Variants in SEMA3A observed in about 807,000 individuals in gnomAD.
SEMA3A encodes the protein semaphorin 3A, also known as semaphorin-3A.
A neutral mutation model predicts 97.9 loss-of-function variants in SEMA3A; 29 were observed. The observed-to-expected ratio is 0.30, with a 90% confidence interval of 0.22 to 0.40. The LOEUF (loss-of-function observed/expected upper bound fraction) is 0.40. Ranked by LOEUF, SEMA3A falls within the 10% of genes least tolerant of loss-of-function variation. The pLI is 1.00. For synonymous variants in SEMA3A, 321 were observed against 323.7 expected, an observed-to-expected ratio of 0.99 and a Z score of 0.09; for missense variants, 763 against 951.3, an observed-to-expected ratio of 0.80 and a Z score of 2.60.
chr7:84,416,078 T>C (rs1804425043), intron 1 of SEMA3A, among the ~76,000 whole-genome samples: 1 of 152,102 alleles, frequency 6.6e-6, no homozygotes, highest in African/African-American at 2.4e-5. Context: ...GTGGGACTAA[T>C]TTTAAAAGCC....
chr7:84,242,587 C>T (rs553083841), intron 3 of SEMA3A, among the ~76,000 whole-genome samples: 3 of 152,074 alleles, frequency 2.0e-5, no homozygotes, highest in Admixed American at 6.6e-5. Context: ...AATTTGACTT[C>T]CTCTCTTCCT....
At chr7:83,963,562 T>C (rs542624076) in intron 15 of SEMA3A, among the ~76,000 whole-genome samples, 1 of 152,178 alleles carries the variant, frequency 6.6e-6, no homozygotes, top group East Asian at 1.9e-4. Flanking sequence ...ATATAAAACA[T>C]AGACGGAGAT....
intron 1 of SEMA3A, among the ~76,000 whole-genome samples, chr7:84,419,773 CT>C (rs1466497026): frequency 6.6e-6 from 1 of 152,070 alleles, no homozygotes; most frequent in Non-Finnish European, 1.5e-5. Context: ...GAAAATTTCG[CT>C]AGGGTATTCA....
At chr7:84,485,116 G>A (rs1806542899) in intron 1 of SEMA3A, among the ~76,000 whole-genome samples, 1 of 152,076 alleles carries the variant, frequency 6.6e-6, no homozygotes, top group South Asian at 2.1e-4. Context: ...TAAGCCACAT[G>A]ACCATAGTAG....
At chr7:84,172,875 T>A (rs1224758307) in intron 1 of SEMA3A, among the ~76,000 whole-genome samples, 1 of 152,204 alleles carries the variant, frequency 6.6e-6, no homozygotes, top group African/African-American at 2.4e-5. Context: ...ATATTGAAGT[T>A]CTAGAAAAAA....
intron 12 of SEMA3A, among the ~76,000 whole-genome samples, chr7:83,997,113 G>A (rs571734558): frequency 6.6e-6 from 1 of 152,208 alleles, no homozygotes; most frequent in South Asian, 2.1e-4. Flanking sequence ...TATTCATTCT[G>A]TCAAGGACAC....
chr7:84,391,188 A>G (rs1803564006), intron 1 of SEMA3A, among the ~76,000 whole-genome samples: 2 of 152,220 alleles, frequency 1.3e-5, no homozygotes, highest in Admixed American at 1.3e-4. Context: ...ACCTTCTAGC[A>G]AAGACTCAAT....
chr7:84,190,962 T>TACACACACACACACACAC (rs3077844), intron 1 of SEMA3A, among the ~76,000 whole-genome samples: 1 of 147,162 alleles, frequency 6.8e-6, no homozygotes, highest in Non-Finnish European at 1.5e-5. Flanking sequence ...TATTGGTATA[T>TACACACACACACACACAC]ACACACACAC....
chr7:84,404,159 G>A (rs1278044799), intron 1 of SEMA3A, among the ~76,000 whole-genome samples: 5 of 152,086 alleles, frequency 3.3e-5, no homozygotes, highest in Admixed American at 6.5e-5. Flanking sequence ...AAAATTAGAC[G>A]AATGGATAAC....
intron 3 of SEMA3A, among the ~76,000 whole-genome samples, chr7:84,253,246 T>G (rs1428757717): frequency 1.3e-5 from 2 of 152,094 alleles, no homozygotes; most frequent in African/African-American, 4.8e-5. Context: ...TTTATAACAT[T>G]AATTAAATCA....
intron 1 of SEMA3A, among the ~76,000 whole-genome samples, chr7:84,455,597 A>G (rs2116375609): frequency 6.6e-6 from 1 of 152,054 alleles, no homozygotes; most frequent in African/African-American, 2.4e-5. Flanking sequence ...CTTCATTTGA[A>G]GACTTTTTTT....
At chr7:84,297,582 T>A (rs567234207) in intron 3 of SEMA3A, among the ~76,000 whole-genome samples, 2 of 152,140 alleles carry the variant, frequency 1.3e-5, no homozygotes, top group African/African-American at 2.4e-5. Context: ...CTAATCTACA[T>A]AGGTCTTTGT....
At chr7:84,415,436 C>A (rs889663876) in intron 1 of SEMA3A, among the ~76,000 whole-genome samples, 1 of 152,044 alleles carries the variant, frequency 6.6e-6, no homozygotes, top group African/African-American at 2.4e-5. Context: ...AGTAACAGAA[C>A]TTCCACTTTT....
At position 84,176,148 on chromosome 7, in the gene SEMA3A, T is replaced by C. The variant is rs78758415; in HGVS notation, c.112+18327A>G. On this transcript the variant is annotated intron_variant, in intron 1 of 16. Transcript: ENST00000265362. ...ATCTTGTTTCCTGGGGTTTATAAAT[T>C]GTTTAGGATGCAGTTCTCCCATTTC... Among the ~76,000 whole-genome samples the C allele has an allele frequency of 1.7e-4, 26 of 152,274 alleles. No individual in the cohort carries two copies. The East Asian group carries it at 5.0e-3, about 29-fold the overall frequency.
intron 13 of SEMA3A, among the ~76,000 whole-genome samples, chr7:83,982,804 T>C (rs988189676): frequency 2.0e-5 from 3 of 152,088 alleles, no homozygotes; most frequent in Admixed American, 6.6e-5. Context: ...AATAACCAGA[T>C]AAATTGAATG....
intron 4 of SEMA3A, among the ~76,000 whole-genome samples, chr7:84,095,880 T>A (rs1794758039): frequency 6.8e-6 from 1 of 147,110 alleles, no homozygotes; most frequent in Admixed American, 7.1e-5. Flanking sequence ...AATATTCAAA[T>A]TTTGTCTACT....
intron 6 of SEMA3A, among the ~76,000 whole-genome samples, chr7:84,039,259 G>A (rs186098630): frequency 1.3e-5 from 2 of 152,092 alleles, no homozygotes; most frequent in African/African-American, 4.8e-5. Context: ...AACCATAAAT[G>A]TGTGGCAAAT....
intron 3 of SEMA3A, among the ~76,000 whole-genome samples, chr7:84,303,595 A>G (rs1248336105): frequency 1.3e-5 from 2 of 152,040 alleles, no homozygotes; most frequent in Non-Finnish European, 2.9e-5. Flanking sequence ...ATAGTCCCCG[A>G]CCTGGCACTG....
intron 1 of SEMA3A, among the ~76,000 whole-genome samples, chr7:84,403,855 A>C (rs1480163884): frequency 6.6e-6 from 1 of 152,204 alleles, no homozygotes; most frequent in Non-Finnish European, 1.5e-5. Flanking sequence ...AAGGAAAACT[A>C]ACAAACAGAA....
Sources: gnomAD v4.1 joint callset for allele counts (sites outside exome capture counted in the v4.1 genomes callset) on GRCh38, gnomAD v4.1.1 for gene constraint, MANE v1.5 for transcripts, NCBI Gene and HGNC (gene_info 2026-07-23, HGNC 2026-07-21) for gene names.